Variants in STX8 observed in about 807,000 individuals in gnomAD.
STX8 encodes syntaxin 8.
STX8 carries 23 observed loss-of-function variants against 37.5 expected under a neutral mutation model. The observed-to-expected ratio is 0.61, with a 90% confidence interval of 0.44 to 0.87. The LOEUF (loss-of-function observed/expected upper bound fraction) is 0.87. Among genes scored for constraint, STX8 ranks in the 40% least tolerant of loss-of-function variants. STX8 has a pLI of 0.00. For missense variants in STX8, 313 were observed against 284.7 expected (o/e 1.10, Z -0.71); for synonymous variants, 115 against 99.1 (o/e 1.16, Z -0.95).
At chr17:9,383,043 C>G (rs1161604271) in intron 6 of STX8, among the ~76,000 whole-genome samples, 1 of 152,092 alleles carries the variant, frequency 6.6e-6, no homozygotes, top group Non-Finnish European at 1.5e-5. Flanking sequence ...AAAAGAGTTC[C>G]TAGAGAGCAT....
At chr17:9,318,822 ATG>A (rs1381654482) in intron 7 of STX8, among the ~76,000 whole-genome samples, 1 of 152,206 alleles carries the variant, frequency 6.6e-6, no homozygotes, top group African/African-American at 2.4e-5. Flanking sequence ...GTTCAACAAA[ATG>A]TGAAAACTGT....
chr17:9,308,547 AC>A (rs1909081388), intron 7 of STX8, among the ~76,000 whole-genome samples: 1 of 151,910 alleles, frequency 6.6e-6, no homozygotes. Context: ...AGATGGTGAA[AC>A]CCTGTCTCTA....
At chr17:9,396,567 G>A (rs113687866) in intron 6 of STX8, among the ~76,000 whole-genome samples, 1,958 of 152,008 alleles carry the variant, frequency 0.013, 37 homozygotes, top group African/African-American at 0.044. Flanking sequence ...AAAATTAGCC[G>A]GGCATGGTGG....
At chr17:9,475,484 C>T (rs1184095357) in intron 6 of STX8, among the ~76,000 whole-genome samples, 1 of 152,176 alleles carries the variant, frequency 6.6e-6, no homozygotes, top group Non-Finnish European at 1.5e-5. Flanking sequence ...GTCTACAGAA[C>T]AGCTGAGCCA....
chr17:9,388,303 C>A (rs148207823), intron 6 of STX8, among the ~76,000 whole-genome samples: 2,070 of 151,282 alleles, frequency 0.014, 22 homozygotes, highest in South Asian at 0.022. Flanking sequence ...AACTCCTGAC[C>A]TCAGGTGATC....
Position 9,339,070 on chromosome 17 carries a change from CAAAAA to C in STX8, c.643+39477_643+39481del, listed in dbSNP as rs34987749. 2.8e-3 allele frequency among the ~76,000 whole-genome samples: 194 copies of C among 70,022 alleles called. 3 individuals carry two copies. Among genetic ancestry groups the C allele is most frequent in the African/African-American group, 0.012 (184 of 15,512 alleles). The allele number at this position is 70,022 out of a possible 152,430, so 45.9% of individuals were successfully genotyped here. On this transcript the variant is annotated intron_variant, in intron 7 of 7. Transcript: ENST00000306357. ...TGGTTGACAAAGCGAGACTCCGTCT[CAAAAA>C]AAAAAAAAAAAAAAAATTCCAGGTG...
At chr17:9,382,867 A>T (rs145776171) in intron 6 of STX8, among the ~76,000 whole-genome samples, 246 of 152,354 alleles carry the variant, frequency 1.6e-3, no homozygotes, top group Middle Eastern at 0.01. Context: ...AGAAAGAAGG[A>T]CAACTGCTAT....
chr17:9,328,989 G>A (rs1021992845), intron 7 of STX8, among the ~76,000 whole-genome samples: 1 of 141,612 alleles, frequency 7.1e-6, no homozygotes, highest in Non-Finnish European at 1.5e-5. Flanking sequence ...GGTGGAGGTT[G>A]CAGTGAGCTG....
At chr17:9,546,653 A>G (rs904721802) in intron 3 of STX8, among the ~76,000 whole-genome samples, 3 of 116,272 alleles carry the variant, frequency 2.6e-5, no homozygotes, top group African/African-American at 6.6e-5. Context: ...GCTGGAGTGC[A>G]GTGGCGCGAT....
chr17:9,318,482 T>A (rs1478989137), intron 7 of STX8, among the ~76,000 whole-genome samples: 1 of 152,124 alleles, frequency 6.6e-6, no homozygotes, highest in Non-Finnish European at 1.5e-5. Context: ...GAAAGAGCAC[T>A]TGGAAAGTAA....
chr17:9,283,518 T>G (rs1024053649), intron 7 of STX8, among the ~76,000 whole-genome samples: 1 of 152,140 alleles, frequency 6.6e-6, no homozygotes, highest in Non-Finnish European at 1.5e-5. Flanking sequence ...CCAGCCTGGG[T>G]GACAGAGCGA....
chr17:9,537,929 T>C (rs932341960), intron 4 of STX8, among the ~76,000 whole-genome samples: 1 of 152,236 alleles, frequency 6.6e-6, no homozygotes, highest in Non-Finnish European at 1.5e-5. Flanking sequence ...CTCCCTGGAC[T>C]GTACATGGCT....
At chr17:9,274,616 C>T (rs906343285) in intron 7 of STX8, among the ~76,000 whole-genome samples, 1 of 149,230 alleles carries the variant, frequency 6.7e-6, no homozygotes, top group Non-Finnish European at 1.5e-5. Context: ...GCAGAGCTTG[C>T]AGTGAGCCGA....
At chr17:9,318,270 C>T (rs988812250) in intron 7 of STX8, among the ~76,000 whole-genome samples, 2 of 151,144 alleles carry the variant, frequency 1.3e-5, no homozygotes, top group Non-Finnish European at 2.9e-5. Context: ...ATCCCTCCCC[C>T]AGCCCCCCAC....
intron 4 of STX8, among the ~76,000 whole-genome samples, chr17:9,535,800 A>G (rs1180413639): frequency 1.3e-5 from 2 of 152,142 alleles, no homozygotes; most frequent in Non-Finnish European, 2.9e-5. Flanking sequence ...CCTCTACTAT[A>G]TTTTTGTAAT....
At chr17:9,304,507 CA>C (rs35673905) in intron 7 of STX8, among the ~76,000 whole-genome samples, 14,846 of 56,794 alleles carry the variant, frequency 0.26, 653 homozygotes, top group Non-Finnish European at 0.31. Flanking sequence ...GAAACTGTCT[CA>C]AAAAAAAAAA....
Position 9,332,046 on chromosome 17 carries a change from G to C in STX8, c.643+46506C>G, listed in dbSNP as rs540375962. Among the ~76,000 whole-genome samples the C allele has an allele frequency of 9.5e-4, 144 of 152,180 alleles. 1 individual carries two copies. Among genetic ancestry groups the C allele is most frequent in the Admixed American group, 2.9e-3 (45 of 15,270 alleles). ...GGATCTTCAAATAAACCCCAGCGCT[G>C]TCATGGCCACCAGGAAGGAGAATAA... On this transcript the variant is annotated intron_variant, in intron 7 of 7. Transcript: ENST00000306357.
intron 6 of STX8, among the ~76,000 whole-genome samples, chr17:9,384,351 A>C (rs1911917141): frequency 6.6e-6 from 1 of 152,222 alleles, no homozygotes; most frequent in Non-Finnish European, 1.5e-5. Flanking sequence ...TTAACAAAGA[A>C]AAACAGGCTG....
chr17:9,559,525 C>T (rs1440367932), intron 2 of STX8, among the ~76,000 whole-genome samples: 1 of 150,710 alleles, frequency 6.6e-6, no homozygotes, highest in Non-Finnish European at 1.5e-5. Context: ...ACAAAAGAAA[C>T]ACAAAAAAGA....
Sources: allele counts gnomAD v4.1 joint callset (sites outside exome capture counted in the v4.1 genomes callset), GRCh38; gene constraint gnomAD v4.1.1; transcripts MANE v1.5; gene names NCBI Gene and HGNC (gene_info 2026-07-23, HGNC 2026-07-21).